The following BARD1 variants were observed in gnomAD, a reference collection of about 807,000 sequenced individuals.
The protein encoded by BARD1 is BRCA1 associated RING domain 1.
A neutral mutation model predicts 77.0 loss-of-function variants in BARD1; 73 were observed. The observed-to-expected ratio is 0.95, with a 90% CI of 0.79 to 1.15. The LOEUF (loss-of-function observed/expected upper bound fraction) is 1.15, where lower values mean the gene tolerates loss of function less well. Among genes scored for constraint, BARD1 ranks in the 50% most tolerant of loss-of-function variants. The probability of loss-of-function intolerance (pLI) is 0.00; values close to 1 mark genes in which losing one functional copy is unlikely to be tolerated. For synonymous variants in BARD1, 384 were observed against 338.0 expected, an observed-to-expected ratio of 1.14 and a Z score of -1.49; for missense variants, 993 against 938.8, an observed-to-expected ratio of 1.06 and a Z score of -0.75.
At chr2:214,748,076 C>A (rs916238517) in intron 7 of BARD1, among the ~76,000 whole-genome samples, 3 of 152,042 alleles carry the variant, frequency 2.0e-5, no homozygotes, top group Admixed American at 6.6e-5. Flanking sequence ...TAGTTCTCTG[C>A]ACAAAACACA....
At chr2:214,764,005 C>A (rs1316863261) in intron 6 of BARD1, among the ~76,000 whole-genome samples, 1 of 152,196 alleles carries the variant, frequency 6.6e-6, no homozygotes, top group African/African-American at 2.4e-5. Flanking sequence ...TAGCCACAAT[C>A]CCACAAAAAG....
At chr2:214,797,940 T>C (rs1695832312) in intron 1 of BARD1, among the ~76,000 whole-genome samples, 1 of 152,080 alleles carries the variant, frequency 6.6e-6, no homozygotes, top group African/African-American at 2.4e-5. Flanking sequence ...AAAGTAATGA[T>C]ACTAATAAAT....
intron 5 of BARD1, 89 bp downstream of exon 5, chr2:214,769,143 G>T: frequency 9.5e-7 from 1 of 1,057,296 alleles, no homozygotes; most frequent in Non-Finnish European, 1.5e-6. Flanking sequence ...AGTATATGTG[G>T]CAGAGGATGA....
At chr2:214,771,441 T>A (rs1403782625) in intron 4 of BARD1, among the ~76,000 whole-genome samples, 2 of 152,050 alleles carry the variant, frequency 1.3e-5, no homozygotes, top group East Asian at 1.9e-4. Flanking sequence ...TTTTAAAAAA[T>A]TTTGCTGGCC....
chr2:214,767,408 G>A, intron 6 of BARD1, 74 bp downstream of exon 6: 1 of 1,450,236 alleles, frequency 6.9e-7, no homozygotes, highest in Non-Finnish European at 9.6e-7. Flanking sequence ...CTATTTTAAA[G>A]TCTGCTTTAT....
intron 7 of BARD1, among the ~76,000 whole-genome samples, chr2:214,751,141 ATATATATATATTTTTTTT>A (rs1693419279): frequency 5.1e-5 from 1 of 19,500 alleles, no homozygotes; most frequent in African/African-American, 1.2e-4. Context: ...ATATATATAT[ATATATATATATTTTTTTT>A]TTTTTTTTTT....
intron 1 of BARD1, among the ~76,000 whole-genome samples, chr2:214,808,940 C>T (rs12477063): frequency 0.55 from 83,178 of 152,144 alleles, 24,214 homozygotes; most frequent in East Asian, 0.8. Flanking sequence ...GAGAAAATGT[C>T]AAAAAGGCCA....
chr2:214,781,537 G>C (rs1695038457), intron 3 of BARD1, 28 bp from the exon 4 acceptor site: 2 of 1,583,576 alleles, frequency 1.3e-6, no homozygotes, highest in Non-Finnish European at 1.7e-6. Flanking sequence ...AAAGAAATCT[G>C]TTACATGAAA....
intron 6 of BARD1, among the ~76,000 whole-genome samples, chr2:214,753,642 T>C (rs1693559991): frequency 6.6e-6 from 1 of 152,152 alleles, no homozygotes; most frequent in African/African-American, 2.4e-5. Context: ...CAATTCCGTT[T>C]GATGCTGCAG....
In BARD1 at chr2:214,773,621, T is replaced by C. The variant is rs182130188; in HGVS notation, c.1315-4309A>G. Among the ~76,000 whole-genome samples the C allele has an allele frequency of 3.9e-3, 465 of 119,418 alleles. 4 individuals carry two copies. The highest frequency in any genetic ancestry group is 3.2e-3 in the Non-Finnish European group (168 of 53,088). 78.3% of individuals were successfully genotyped at this position (119,418 alleles called of 152,430 possible). A position where few individuals can be genotyped will look rare whatever the true frequency, so the allele number is the denominator to read the frequency against. On this transcript the variant is annotated intron_variant, in intron 4 of 10. Coordinates refer to ENST00000260947, the MANE Select transcript of BARD1 (RefSeq NM_000465.4). Reference sequence around the variant, plus strand: ...ATACTGTAGTCTACTAAGTGTGCAATAGCATTATGTTTTTTAAAAAAAATG... The same window carrying C: ...ATACTGTAGTCTACTAAGTGTGCAACAGCATTATGTTTTTTAAAAAAAATG...
intron 2 of BARD1, among the ~76,000 whole-genome samples, chr2:214,796,496 A>C (rs977307400): frequency 6.6e-6 from 1 of 152,196 alleles, no homozygotes; most frequent in Non-Finnish European, 1.5e-5. Flanking sequence ...CAAAGACCAG[A>C]GTGATACATC....
chr2:214,782,025 T>A (rs1202297147), intron 3 of BARD1, among the ~76,000 whole-genome samples: 2 of 152,158 alleles, frequency 1.3e-5, no homozygotes, highest in African/African-American at 4.8e-5. Context: ...AGGTACAATT[T>A]GAAAGGCAAA....
intron 6 of BARD1, among the ~76,000 whole-genome samples, chr2:214,760,119 C>T (rs569267103): frequency 6.6e-6 from 1 of 152,278 alleles, no homozygotes; most frequent in African/African-American, 2.4e-5. Flanking sequence ...TTTTATATGT[C>T]ACTACTGAAA....
At position 214,728,872 on chromosome 2, in the gene BARD1, ACGTCACTGTCTG is replaced by A; in HGVS notation, c.2126_2137del (p.Pro709_Val713delinsLeu). 6.2e-7 allele frequency: 1 copy of A among 1,614,186 alleles called. No individual in the cohort carries two copies. The stretch of plus-strand genomic sequence containing the variant: ...TGCGACTGTATTGATGGTCTGAGTC[ACGTCACTGTCTG>A]GCTTGGGCTTTCTACTGAGGATCTG... On this transcript the variant is annotated inframe_deletion, in exon 11 of 11. Transcript: ENST00000260947.
In BARD1 at chr2:214,809,681, T is replaced by A; in HGVS notation, c.-112A>T. On this transcript the variant is annotated 5_prime_UTR_variant, in exon 1 of 11. Transcript: ENST00000260947. ...CGAAACCGGCCAAGCTCTTCCCGCG[T>A]CTGGGACGGCGGGCCGCCAGAGGGG... is the stretch of plus-strand genomic sequence containing the variant. The A allele has an allele frequency of 7.0e-7, 1 of 1,420,338 alleles. No homozygotes were observed. The highest frequency in any genetic ancestry group is 9.5e-7 in the Non-Finnish European group (1 of 1,053,056). 88.0% of individuals were successfully genotyped at this position (1,420,338 alleles called of 1,614,324 possible).
At chr2:214,739,931 ATAT>A (rs1692739403) in intron 9 of BARD1, among the ~76,000 whole-genome samples, 2 of 152,054 alleles carry the variant, frequency 1.3e-5, no homozygotes, top group Admixed American at 1.3e-4. Context: ...TTGCAAAAAT[ATAT>A]TATTATATCA....
chr2:214,749,985 C>G (rs73082596), intron 7 of BARD1, among the ~76,000 whole-genome samples: 1,752 of 152,180 alleles, frequency 0.012, 43 homozygotes, highest in African/African-American at 0.039. Flanking sequence ...ATGAAAGCAA[C>G]TAGCTCATGA....
At chr2:214,758,642 A>C (rs1429620392) in intron 6 of BARD1, among the ~76,000 whole-genome samples, 1 of 152,224 alleles carries the variant, frequency 6.6e-6, no homozygotes, top group East Asian at 1.9e-4. Flanking sequence ...ATAACTCTGA[A>C]AATCCTTTTC....
At position 214,804,142 on chromosome 2, in the gene BARD1, T is replaced by C. The variant is rs956334071; in HGVS notation, c.158+5270A>G. ...TGGACCAACATGTTGAACATCTAAA[T>C]GTGCAGGCTCACCAAGCCAATTAAA... On this transcript the variant is annotated intron_variant, in intron 1 of 10. Coordinates refer to ENST00000260947, the MANE Select transcript of BARD1 (RefSeq NM_000465.4). 2.6e-5 allele frequency among the ~76,000 whole-genome samples: 4 copies of C among 152,192 alleles called. No homozygotes were observed. In the East Asian group the frequency reaches 7.7e-4, roughly 29 times the overall value.
Sources: gnomAD v4.1 joint callset for allele counts (sites outside exome capture counted in the v4.1 genomes callset) on GRCh38, gnomAD v4.1.1 for gene constraint, MANE v1.5 for transcripts, NCBI Gene and HGNC (gene_info 2026-07-23, HGNC 2026-07-21) for gene names.